OPA1: variants seen among roughly 807,000 people sequenced by gnomAD.
OPA1 encodes the protein dynamin-like GTPase OPA1, mitochondrial.
In OPA1, 59 loss-of-function variants were observed where a neutral mutation model predicts 152.9. The observed-to-expected ratio is 0.39, with a 90% confidence interval of 0.31 to 0.48. OPA1 has a LOEUF of 0.48. OPA1 is among the 20% of genes least tolerant of loss of function. The pLI is 0.96. For missense variants in OPA1, 1,008 were observed against 1,216.8 expected (o/e 0.83, Z 2.55); for synonymous variants, 400 against 389.9 (o/e 1.03, Z -0.31).
At chr3:193,597,793 A>G (rs1480930334) in intron 1 of OPA1, among the ~76,000 whole-genome samples, 2 of 152,124 alleles carry the variant, frequency 1.3e-5, no homozygotes, top group African/African-American at 4.8e-5. Flanking sequence ...CCCCCTTTTA[A>G]GATGAGACAT....
chr3:193,626,893 G>T (rs1227680533), intron 7 of OPA1, among the ~76,000 whole-genome samples: 2 of 152,108 alleles, frequency 1.3e-5, no homozygotes, highest in Non-Finnish European at 2.9e-5. Flanking sequence ...GCAATCAGCA[G>T]GTCCGTAAAA....
At chr3:193,664,424 G>A (rs1716038892) in intron 26 of OPA1, among the ~76,000 whole-genome samples, 1 of 151,890 alleles carries the variant, frequency 6.6e-6, no homozygotes, top group Non-Finnish European at 1.5e-5. Context: ...AAAGTGGTAG[G>A]GATCATATTG....
chr3:193,687,114 A>T (rs904958186), intron 29 of OPA1, among the ~76,000 whole-genome samples: 1 of 152,252 alleles, frequency 6.6e-6, no homozygotes, highest in African/African-American at 2.4e-5. Flanking sequence ...TTTTAGAGCA[A>T]GTATCAGAAG....
At chr3:193,680,789 A>G (rs1450610297) in intron 29 of OPA1, among the ~76,000 whole-genome samples, 1 of 152,184 alleles carries the variant, frequency 6.6e-6, no homozygotes, top group South Asian at 2.1e-4. Context: ...TTTAAAATGT[A>G]TTATCGATAT....
chr3:193,687,178 C>G (rs918732353), intron 29 of OPA1, among the ~76,000 whole-genome samples: 8 of 151,678 alleles, frequency 5.3e-5, no homozygotes, highest in Non-Finnish European at 1.2e-4. Flanking sequence ...ATAAAGAGAC[C>G]CAAAACATGA....
At chr3:193,666,960 A>G (rs1399825244) in intron 28 of OPA1, among the ~76,000 whole-genome samples, 3 of 152,202 alleles carry the variant, frequency 2.0e-5, no homozygotes, top group Non-Finnish European at 4.4e-5. Context: ...ATTAAAGTGT[A>G]TAGCTTAAGA....
intron 1 of OPA1, among the ~76,000 whole-genome samples, chr3:193,604,057 G>GT (rs142179606): frequency 6.6e-6 from 1 of 152,318 alleles, no homozygotes; most frequent in Non-Finnish European, 1.5e-5. Context: ...TTTCCACAGC[G>GT]TGTGGGACTT....
At chr3:193,599,216 A>G (rs1480724394) in intron 1 of OPA1, among the ~76,000 whole-genome samples, 1 of 152,038 alleles carries the variant, frequency 6.6e-6, no homozygotes, top group Non-Finnish European at 1.5e-5. Flanking sequence ...GTCTTATTCT[A>G]CTCAGGAACT....
chr3:193,662,720 T>C, intron 25 of OPA1, 102 bp from the exon 26 acceptor site: 1 of 936,762 alleles, frequency 1.1e-6, no homozygotes, highest in South Asian at 1.5e-5. Context: ...AAGCTTGTGT[T>C]ATCTTTTATG....
intron 1 of OPA1, among the ~76,000 whole-genome samples, chr3:193,597,605 C>T (rs533711435): frequency 2.0e-5 from 3 of 150,864 alleles, no homozygotes; most frequent in Admixed American, 6.6e-5. Flanking sequence ...GCAGGAGAAT[C>T]GCTTGAGCCC....
intron 1 of OPA1, among the ~76,000 whole-genome samples, chr3:193,611,463 G>A (rs2108847194): frequency 6.6e-6 from 1 of 152,140 alleles, no homozygotes; most frequent in Admixed American, 6.5e-5. Flanking sequence ...TGGGCATGGT[G>A]GCACACGCCT....
At chr3:193,631,822 A>G (rs1666205773) in intron 8 of OPA1, 157 bp downstream of exon 8, 1 of 674,296 alleles carries the variant, frequency 1.5e-6, no homozygotes, top group Non-Finnish European at 2.7e-6. Flanking sequence ...TAATTGAGAA[A>G]TAAGGAATAA....
intron 8 of OPA1, among the ~76,000 whole-genome samples, 194 bp from the exon 9 acceptor site, chr3:193,635,224 A>G (rs1194570063): frequency 2.6e-5 from 4 of 152,204 alleles, no homozygotes; most frequent in Admixed American, 6.5e-5. Flanking sequence ...GAAAATTACA[A>G]TGATTTCCAC....
intron 29 of OPA1, 155 bp from the exon 30 acceptor site, chr3:193,691,908 T>G: frequency 1.7e-6 from 1 of 587,136 alleles, no homozygotes; most frequent in Non-Finnish European, 3.1e-6. Flanking sequence ...CTATAATCCA[T>G]CTGGACTTTA....
intron 9 of OPA1, among the ~76,000 whole-genome samples, chr3:193,636,664 C>G (rs1732996519): frequency 6.6e-6 from 1 of 152,100 alleles, no homozygotes. Flanking sequence ...TTTGCCCTTG[C>G]TACACTCATA....
chr3:193,614,577 A>G (rs1728730041), intron 1 of OPA1, 146 bp from the exon 2 acceptor site: 1 of 717,700 alleles, frequency 1.4e-6, no homozygotes, highest in Non-Finnish European at 2.5e-6. Flanking sequence ...GCACATAGTC[A>G]ATGGTTAGTA....
At chr3:193,650,649 T>A (rs1296807147) in intron 21 of OPA1, among the ~76,000 whole-genome samples, 1 of 152,208 alleles carries the variant, frequency 6.6e-6, no homozygotes. Context: ...GTTTGTTATT[T>A]CCTTTAGACA....
At chr3:193,684,322 C>G (rs894682209) in intron 29 of OPA1, among the ~76,000 whole-genome samples, 1 of 152,044 alleles carries the variant, frequency 6.6e-6, no homozygotes, top group Non-Finnish European at 1.5e-5. Flanking sequence ...AACTGTATGT[C>G]CTCCATACAG....
intron 1 of OPA1, chr3:193,613,966 A>G (rs759609084): frequency 1.9e-6 from 1 of 519,018 alleles, no homozygotes; most frequent in South Asian, 1.4e-5. Flanking sequence ...ATTATTAGTA[A>G]GCAACTAATA....
Sources: gnomAD v4.1 joint callset for allele counts (sites outside exome capture counted in the v4.1 genomes callset) on GRCh38, gnomAD v4.1.1 for gene constraint, MANE v1.5 for transcripts, NCBI Gene and HGNC (gene_info 2026-07-23, HGNC 2026-07-21) for gene names.